The following NSUN7 variants were observed in gnomAD, a reference collection of about 807,000 sequenced individuals.
NSUN7 encodes the protein protein NSUN7.
A neutral mutation model predicts 58.5 loss-of-function variants in NSUN7; 39 were observed. That is an observed-to-expected ratio of 0.67 (90% confidence interval 0.52 to 0.87). The LOEUF is 0.87. Among genes scored for constraint, NSUN7 ranks in the 40% least tolerant of loss-of-function variants. The pLI is 0.00. For synonymous variants in NSUN7, 278 were observed against 303.7 expected (o/e 0.92, Z 0.88); for missense variants, 765 against 844.1 (o/e 0.91, Z 1.16).
At chr4:40,784,566 A>T (rs1742721481) in intron 7 of NSUN7, among the ~76,000 whole-genome samples, 1 of 152,248 alleles carries the variant, frequency 6.6e-6, no homozygotes, top group African/African-American at 2.4e-5. Context: ...AATATCCCAA[A>T]TAGGCAAATC....
At chr4:40,750,403 T>G (rs1740749270) in intron 1 of NSUN7, 103 bp downstream of exon 1, 2 of 320,610 alleles carry the variant, frequency 6.2e-6, no homozygotes, top group Non-Finnish European at 5.8e-6. Context: ...GCCGTCGGTC[T>G]CCTTGGGGCT....
rs1031159449 is a variant in NSUN7, at chr4:40,809,109, T to C, written c.*170T>C. ...AATTCAGACAAGTGAGAAACAATAA[T>C]GTAGGAGTCAGCAAAGCAGAATTCA... On this transcript the variant is annotated 3_prime_UTR_variant, in exon 12 of 12. Coordinates refer to ENST00000381782, the MANE Select transcript of NSUN7 (RefSeq NM_024677.6). 1.3e-5 allele frequency: 9 copies of C among 707,956 alleles called. No individual in the cohort carries two copies. The Admixed American group carries it at 2.9e-4, about 23-fold the overall frequency. The allele number at this position is 707,956 out of a possible 1,614,324, so 43.9% of individuals were successfully genotyped here.
chr4:40,799,221 G>A (rs1219386461), intron 10 of NSUN7, among the ~76,000 whole-genome samples: 1 of 151,644 alleles, frequency 6.6e-6, no homozygotes, highest in Non-Finnish European at 1.5e-5. Flanking sequence ...AAGTGGCTGG[G>A]ATTACAGGCA....
intron 2 of NSUN7, among the ~76,000 whole-genome samples, chr4:40,755,333 C>T (rs1448897260): frequency 6.6e-6 from 1 of 152,300 alleles, no homozygotes; most frequent in East Asian, 1.9e-4. Context: ...TGTGGTCCAC[C>T]TGCCTCGGCC....
chr4:40,784,590 T>C (rs987029128), intron 7 of NSUN7, among the ~76,000 whole-genome samples: 1 of 152,182 alleles, frequency 6.6e-6, no homozygotes, highest in Non-Finnish European at 1.5e-5. Flanking sequence ...GGAGACAGAA[T>C]AGATTAGCAA....
chr4:40,774,673 A>G lies in NSUN7; in HGVS notation c.642-94A>G, dbSNP rs184338085. 4 of 811,756 alleles carry G rather than the reference A, an allele frequency of 4.9e-6. No homozygotes were observed. In the Admixed American group the frequency reaches 1.0e-4, roughly 21 times the overall value. The allele number at this position is 811,756 out of a possible 1,614,324, so 50.3% of individuals were successfully genotyped here. A position where few individuals can be genotyped will look rare whatever the true frequency, so the allele number is the denominator to read the frequency against. Reference sequence around the variant, plus strand: ...TCCATTAGATGTAATGTATGAAGTGATATTTTTCTTTGTTACAGGAAAAAG... The same window carrying G: ...TCCATTAGATGTAATGTATGAAGTGGTATTTTTCTTTGTTACAGGAAAAAG... On this transcript the variant is annotated intron_variant, in intron 5 of 11. Coordinates refer to ENST00000381782, the MANE Select transcript of NSUN7 (RefSeq NM_024677.6).
At chr4:40,766,724 G>C (rs1042912746) in intron 4 of NSUN7, among the ~76,000 whole-genome samples, 1 of 151,996 alleles carries the variant, frequency 6.6e-6, no homozygotes, top group South Asian at 2.1e-4. Flanking sequence ...GAGTTTTTTT[G>C]GTTGGTAAGC....
rs767790645 is a variant in NSUN7 at position 40,774,302 on chromosome 4, C to T, written c.526C>T (p.Arg176Ter). The stretch of plus-strand genomic sequence containing the variant: ...ATTGGCTGCAGCATTGGCAAGATGT[C>T]GAATCAAGCATGATGCCCTTTCAAT... ...IKLAAALARC[R>*]IKHDALSIYH... Residue 176 changes from arginine to a stop codon, truncating the protein, a stop_gained, in exon 5 of 12, where the codon CGA (arginine) becomes TGA (stop). Transcript: ENST00000381782. LOFTEE classifies it high-confidence loss of function. 14 of 1,613,914 alleles carry T rather than the reference C, an allele frequency of 8.7e-6. No homozygotes were observed. Among genetic ancestry groups the T allele is most frequent in the African/African-American group, 2.7e-5 (2 of 74,904 alleles).
intron 7 of NSUN7, among the ~76,000 whole-genome samples, chr4:40,787,042 A>AAAG: frequency 6.6e-6 from 1 of 152,286 alleles, no homozygotes; most frequent in South Asian, 2.1e-4. Flanking sequence ...GAGTGAAAAA[A>AAAG]AAAAAAGAAA....
chr4:40,766,646 C>G (rs1449199553), intron 4 of NSUN7, among the ~76,000 whole-genome samples: 1 of 152,178 alleles, frequency 6.6e-6, no homozygotes. Flanking sequence ...GGAATAGTTT[C>G]AGAAGGAATG....
chr4:40,800,603 G>A (rs138539094), intron 10 of NSUN7, among the ~76,000 whole-genome samples: 1,604 of 152,280 alleles, frequency 0.011, 32 homozygotes, highest in African/African-American at 0.036. Context: ...GCATCCCAAA[G>A]TGCTGGGATT....
rs527745751 is a variant in NSUN7 at position 40,770,974 on chromosome 4, C to T, written c.489-3291C>T. On this transcript the variant is annotated intron_variant, in intron 4 of 11. Coordinates refer to ENST00000381782, the MANE Select transcript of NSUN7 (RefSeq NM_024677.6). ...GCTGAGGCAGGAGAATCTCTTGAAC[C>T]CAGGAGGCGGAGGTTGCAGTAAGCC... Among the ~76,000 whole-genome samples the T allele has an allele frequency of 1.1e-4, 16 of 152,222 alleles. No individual in the cohort carries two copies. In the South Asian group the frequency reaches 3.3e-3, roughly 32 times the overall value.
chr4:40,784,664 G>C (rs778175788), intron 7 of NSUN7, among the ~76,000 whole-genome samples: 1 of 152,224 alleles, frequency 6.6e-6, no homozygotes, highest in African/African-American at 2.4e-5. Context: ...TGAGTATGGG[G>C]TTTCTCTTGG....
intron 2 of NSUN7, among the ~76,000 whole-genome samples, chr4:40,758,793 G>C (rs925739581): frequency 3.3e-5 from 5 of 152,180 alleles, no homozygotes; most frequent in Admixed American, 6.5e-5. Context: ...ACTGAGGCAG[G>C]AGGGTTGCTT....
intron 4 of NSUN7, among the ~76,000 whole-genome samples, chr4:40,765,711 G>C (rs1741691904): frequency 6.6e-6 from 1 of 152,188 alleles, no homozygotes; most frequent in Non-Finnish European, 1.5e-5. Flanking sequence ...TTCTACCCAT[G>C]AGCATGGAAT....
intron 2 of NSUN7, among the ~76,000 whole-genome samples, chr4:40,759,899 G>C (rs540948274): frequency 6.6e-6 from 1 of 152,286 alleles, no homozygotes; most frequent in East Asian, 1.9e-4. Flanking sequence ...AAATTAGCCA[G>C]GTGTGGTGGT....
In NSUN7 at chr4:40,810,739, G is replaced by C. The variant is rs1423562945; in HGVS notation, c.*1800G>C. On this transcript the variant is annotated 3_prime_UTR_variant, in exon 12 of 12. Transcript: ENST00000381782. ...GTGCTCAGCTTATTTTGCTGATTTT[G>C]AAAATCAAACACTATCTCCTTGCCC... is the stretch of plus-strand genomic sequence containing the variant. 6.6e-6 allele frequency: 1 copy of C among 152,134 alleles called. No individual in the cohort carries two copies. The highest frequency in any genetic ancestry group is 1.5e-5 in the Non-Finnish European group (1 of 68,016). The allele number at this position is 152,134 out of a possible 1,614,324, so 9.4% of individuals were successfully genotyped here.
At position 40,776,337 on chromosome 4, in the gene NSUN7, GT is replaced by G. The variant is rs1290399054; in HGVS notation, c.1036+85del. 5 of 1,012,004 alleles carry G rather than the reference GT, an allele frequency of 4.9e-6. No individual in the cohort carries two copies. In the East Asian group the frequency reaches 9.8e-5, roughly 20 times the overall value. 62.7% of individuals were successfully genotyped at this position (1,012,004 alleles called of 1,614,324 possible). A position where few individuals can be genotyped will look rare whatever the true frequency, so the allele number is the denominator to read the frequency against. On this transcript the variant is annotated intron_variant, in intron 7 of 11. Transcript: ENST00000381782. ...AACGTTAAAAAGTTTTAATTTATTA[GT>G]TTTTTTGTAATGTAAAAGCTCTATA...
chr4:40,777,427 G>A lies in NSUN7; in HGVS notation c.1036+1168G>A, dbSNP rs1742323186. 2.6e-5 allele frequency among the ~76,000 whole-genome samples: 4 copies of A among 151,866 alleles called. No homozygotes were observed. In the South Asian group the frequency reaches 8.3e-4, roughly 32 times the overall value. On this transcript the variant is annotated intron_variant, in intron 7 of 11. Transcript: ENST00000381782. ...TGGCTCACTGCAACCTCTGCCCCCC[G>A]GGTTCAAGCGATTCTCCTGCCTCAA...
Sources: gnomAD v4.1 joint callset for allele counts (sites outside exome capture counted in the v4.1 genomes callset) on GRCh38, gnomAD v4.1.1 for gene constraint, MANE v1.5 for transcripts, NCBI Gene and HGNC (gene_info 2026-07-23, HGNC 2026-07-21) for gene names.